TKTL1: variants seen among roughly 807,000 people sequenced by gnomAD.
TKTL1 encodes transketolase-like protein 1.
A neutral mutation model predicts 39.3 loss-of-function variants in TKTL1; 1 was observed. The observed-to-expected ratio is 0.03, with a 90% CI of 0.01 to 0.12. The LOEUF (loss-of-function observed/expected upper bound fraction) is 0.12, where lower values mean the gene tolerates loss of function less well. Ranked by LOEUF, TKTL1 falls within the 10% of genes least tolerant of loss-of-function variation. The pLI is 1.00. For missense variants in TKTL1, 575 were observed against 509.6 expected (o/e 1.13, Z -1.24); for synonymous variants, 262 against 193.8 (o/e 1.35, Z -2.92).
In TKTL1 at chrX:154,295,964, C is replaced by T. The variant is rs140395623; in HGVS notation, c.105C>T (p.Ser35=). The T allele has an allele frequency of 1.4e-4, 169 of 1,210,345 alleles. No homozygotes were observed. Among genetic ancestry groups the T allele is most frequent in the Non-Finnish European group, 1.8e-4 (162 of 895,225 alleles). The change falls in exon 1 of 13, where the codon TCC becomes TCT. Residue 35 remains serine, a synonymous_variant. Coordinates refer to ENST00000369915, the MANE Select transcript of TKTL1 (RefSeq NM_012253.4). ...TGGCCAGCCGCTTGCGAATCCATTC[C>T]ATCAGGGCCACATGCTCCACGAGCT... ...QDMASRLRIH[S]IRATCSTSSG...
intron 5 of TKTL1, among the ~76,000 whole-genome samples, 184 bp downstream of exon 5, chrX:154,311,422 G>A (rs1168869293): frequency 8.9e-6 from 1 of 112,212 alleles, no homozygotes; most frequent in African/African-American, 3.2e-5. Flanking sequence ...CTTAGGATAG[G>A]AGATATCAAA....
intron 9 of TKTL1, among the ~76,000 whole-genome samples, chrX:154,324,445 T>C (rs977505246): frequency 8.9e-6 from 1 of 112,713 alleles, no homozygotes; most frequent in African/African-American, 3.2e-5. Flanking sequence ...TGGCCAATTG[T>C]GTACTTTTAA....
At chrX:154,313,081 C>G (rs2067371150) in intron 6 of TKTL1, among the ~76,000 whole-genome samples, 1 of 111,967 alleles carries the variant, frequency 8.9e-6, no homozygotes, top group Admixed American at 9.5e-5. Flanking sequence ...TGATCTTTCA[C>G]CACTCCTGGC....
In TKTL1 at chrX:154,309,388, G is replaced by C. The variant is rs1557167844; in HGVS notation, c.296G>C (p.Gly99Ala). The C allele has an allele frequency of 8.3e-7, 1 of 1,211,777 alleles. No homozygotes were observed. The highest frequency in any genetic ancestry group is 3.0e-5 in the East Asian group (1 of 33,847). ...VDVATGWLGQGLGVACGMAYT... is the reference protein window; with the variant it reads ...VDVATGWLGQALGVACGMAYT... ...GTGGCAACAGGATGGCTCGGACAAGGACTGGGAGTTGCATGTGGAATGGCA... is the reference window on the plus strand; with the variant it reads ...GTGGCAACAGGATGGCTCGGACAAGCACTGGGAGTTGCATGTGGAATGGCA... Residue 99 changes from glycine to alanine, a missense_variant, in exon 3 of 13, where the codon GGA becomes GCA. Coordinates refer to ENST00000369915, the MANE Select transcript of TKTL1 (RefSeq NM_012253.4).
intron 1 of TKTL1, among the ~76,000 whole-genome samples, chrX:154,296,223 T>C (rs1557164466): frequency 9.0e-6 from 1 of 111,166 alleles, no homozygotes; most frequent in Non-Finnish European, 1.9e-5. Context: ...CCGCGGGTTC[T>C]GGAGCCCGCC....
chrX:154,300,235 C>T (rs2067262868), intron 1 of TKTL1, among the ~76,000 whole-genome samples: 1 of 111,942 alleles, frequency 8.9e-6, no homozygotes, highest in Non-Finnish European at 1.9e-5. Flanking sequence ...AGGCTGATCT[C>T]GGTCTCTTGA....
chrX:154,327,097 G>C (rs1171937043), intron 10 of TKTL1: 2 of 219,093 alleles, frequency 9.1e-6, no homozygotes, highest in Non-Finnish European at 1.7e-5. Flanking sequence ...GTTGTCGAGA[G>C]CGAGGGCTTT....
chrX:154,295,795 G>A lies in TKTL1; in HGVS notation c.-65G>A, dbSNP rs1557164110. 1.2e-5 allele frequency: 14 copies of A among 1,167,860 alleles called. No individual in the cohort carries two copies. The highest frequency in any genetic ancestry group is 2.6e-4 in the Middle Eastern group (1 of 3,888). On this transcript the variant is annotated 5_prime_UTR_variant, in exon 1 of 13. Transcript: ENST00000369915. ...TAAACGCACTGGGCAGCTCGCAGGC[G>A]CCATTCGCTCTTCAGACGCCGGAGA...
Position 154,295,918 on chromosome X carries a change from C to G in TKTL1, c.59C>G (p.Thr20Ser). Residue 20 changes from threonine to serine, a missense_variant, in exon 1 of 13, where the codon ACC (threonine) becomes AGC (serine). By Grantham distance (58) the Thr-to-Ser change is moderately conservative. Transcript: ENST00000369915. ...FPEEARPDRGTLQVLQDMASR... is the reference protein window; with the variant it reads ...FPEEARPDRGSLQVLQDMASR... ...GAGGAGGCCAGACCTGACAGGGGCA[C>G]CTTGCAGGTGTTGCAAGATATGGCC... is the stretch of plus-strand genomic sequence containing the variant. The G allele has an allele frequency of 8.3e-7, 1 of 1,211,615 alleles. No homozygotes were observed. Among genetic ancestry groups the G allele is most frequent in the South Asian group, 1.8e-5 (1 of 57,007 alleles).
chrX:154,306,973 C>T (rs186801584), intron 2 of TKTL1, among the ~76,000 whole-genome samples: 83 of 110,629 alleles, frequency 7.5e-4, no homozygotes, highest in African/African-American at 2.5e-3. Flanking sequence ...GATATATAAA[C>T]GCAATATGGG....
In TKTL1 at chrX:154,308,145, G is replaced by C. The variant is rs1003248015; in HGVS notation, c.253-1200G>C. Among the ~76,000 whole-genome samples, 11 of 112,008 alleles carry C rather than the reference G, an allele frequency of 9.8e-5. No homozygotes were observed. In the East Asian group the frequency reaches 2.8e-3, roughly 28 times the overall value. On this transcript the variant is annotated intron_variant, in intron 2 of 12. Coordinates refer to ENST00000369915, the MANE Select transcript of TKTL1 (RefSeq NM_012253.4). The stretch of plus-strand genomic sequence containing the variant: ...TAGATGGAGTGTCAGGTGGGGCCAA[G>C]CATCTGGAATCAAGTAAAAGTGGAG...
Position 154,305,428 on chromosome X carries a change from C to G in TKTL1, c.252+7C>G, listed in dbSNP as rs782103879. The G allele has an allele frequency of 2.5e-6, 3 of 1,204,630 alleles. No individual in the cohort carries two copies. Among genetic ancestry groups the G allele is most frequent in the Non-Finnish European group, 3.4e-6 (3 of 890,760 alleles). ...CCGATTTGTCCTCGCAAAGGTATGC[C>G]GGTGGGGAGCCCAGGGCTGCTGTGG... On this transcript the variant is annotated splice_region_variant and intron_variant, in intron 2 of 12. Coordinates refer to ENST00000369915, the MANE Select transcript of TKTL1 (RefSeq NM_012253.4).
chrX:154,317,566 T>C (rs2067411317), intron 7 of TKTL1, among the ~76,000 whole-genome samples: 1 of 112,474 alleles, frequency 8.9e-6, no homozygotes, highest in Non-Finnish European at 1.9e-5. Flanking sequence ...CTCTTGCAGT[T>C]TGCTGGGAAG....
intron 12 of TKTL1, 65 bp from the exon 13 acceptor site, chrX:154,329,451 T>G (rs782217684): frequency 7.3e-6 from 8 of 1,100,591 alleles, no homozygotes; most frequent in Middle Eastern, 3.2e-4. Context: ...AAGGCCTCTA[T>G]GTGGTGAGGC....
intron 2 of TKTL1, among the ~76,000 whole-genome samples, chrX:154,306,044 C>A (rs782205617): frequency 5.4e-5 from 6 of 110,888 alleles, no homozygotes; most frequent in Non-Finnish European, 1.1e-4. Flanking sequence ...CAGTGGCTCA[C>A]GCCTGTACTC....
At chrX:154,315,396 G>A (rs782288219) in intron 7 of TKTL1, 59 bp downstream of exon 7, 45 of 1,062,956 alleles carry the variant, frequency 4.2e-5, no homozygotes, top group Non-Finnish European at 5.5e-5. Flanking sequence ...GACACAGGAG[G>A]CCCAGCCTGT....
intron 6 of TKTL1, among the ~76,000 whole-genome samples, chrX:154,314,267 T>C (rs1018459413): frequency 9.0e-6 from 1 of 111,441 alleles, no homozygotes; most frequent in Non-Finnish European, 1.9e-5. Context: ...GAAGCGAAAA[T>C]GTGACAAAGC....
intron 1 of TKTL1, among the ~76,000 whole-genome samples, chrX:154,303,139 T>C (rs182071573): frequency 2.7e-5 from 3 of 110,641 alleles, no homozygotes; most frequent in African/African-American, 9.9e-5. Context: ...TGCCTTCTAC[T>C]TATTAGACCC....
In TKTL1 at chrX:154,327,889, G is replaced by A. The variant is rs1557172314; in HGVS notation, c.1549G>A (p.Ala517Thr). The change falls in exon 12 of 13, where the codon GCC becomes ACC. Residue 517 changes from alanine to threonine, a missense_variant. Transcript: ENST00000369915. ...GTTTACCATTAAACCTCTGGATGTC[G>A]CCACCATCGTCTCCAGTGCAAAAGC... is the stretch of plus-strand genomic sequence containing the variant. ...DLFTIKPLDVATIVSSAKATE... is the reference protein window; with the variant it reads ...DLFTIKPLDVTTIVSSAKATE... The A allele has an allele frequency of 7.4e-6, 9 of 1,211,052 alleles. No homozygotes were observed. The highest frequency in any genetic ancestry group is 1.0e-5 in the Non-Finnish European group (9 of 895,043).
Sources: allele counts gnomAD v4.1 joint callset (sites outside exome capture counted in the v4.1 genomes callset), GRCh38; gene constraint gnomAD v4.1.1; transcripts MANE v1.5; gene names NCBI Gene and HGNC (gene_info 2026-07-23, HGNC 2026-07-21).